MGMT: variants seen among roughly 807,000 people sequenced by gnomAD.
The protein encoded by MGMT is methylated-DNA--protein-cysteine methyltransferase.
A neutral mutation model predicts 15.9 loss-of-function variants in MGMT; 14 were observed. The ratio of observed to expected loss-of-function variants is 0.88; its 90% confidence interval spans 0.58 to 1.37. MGMT has a LOEUF of 1.37. Among genes scored for constraint, MGMT ranks in the 40% most tolerant of loss-of-function variants. The pLI is 0.00. For missense variants in MGMT, 282 were observed against 268.1 expected (o/e 1.05, Z -0.36); for synonymous variants, 130 against 118.2 (o/e 1.10, Z -0.65).
intron 1 of MGMT, among the ~76,000 whole-genome samples, chr10:129,483,050 G>C (rs1845374610): frequency 6.6e-6 from 1 of 152,104 alleles, no homozygotes; most frequent in African/African-American, 2.4e-5. Context: ...TGTCTACACT[G>C]TTGGCTTGTT....
intron 2 of MGMT, among the ~76,000 whole-genome samples, chr10:129,619,331 A>G (rs1847064371): frequency 6.6e-6 from 1 of 152,192 alleles, no homozygotes. Context: ...ATGCATGCAT[A>G]CATCTCTCTG....
At chr10:129,680,571 T>G (rs1300378662) in intron 2 of MGMT, among the ~76,000 whole-genome samples, 1 of 142,246 alleles carries the variant, frequency 7.0e-6, no homozygotes, top group African/African-American at 2.4e-5. Flanking sequence ...CACCACTCCT[T>G]AAGACATCCA....
intron 3 of MGMT, among the ~76,000 whole-genome samples, chr10:129,737,903 C>G (rs1223176192): frequency 6.6e-6 from 1 of 152,228 alleles, no homozygotes; most frequent in Non-Finnish European, 1.5e-5. Flanking sequence ...AGGAGGCAGT[C>G]TGCCCGTTCT....
chr10:129,760,883 C>G (rs1353866145), intron 4 of MGMT, among the ~76,000 whole-genome samples: 1 of 152,168 alleles, frequency 6.6e-6, no homozygotes. Flanking sequence ...TTGACCCTTC[C>G]TTTTGCACCT....
At chr10:129,591,570 C>A (rs1463698402) in intron 2 of MGMT, among the ~76,000 whole-genome samples, 1 of 152,196 alleles carries the variant, frequency 6.6e-6, no homozygotes, top group Non-Finnish European at 1.5e-5. Context: ...AGGCCCCAGA[C>A]CTCTGCAGCT....
chr10:129,497,633 C>G (rs2119669730), intron 1 of MGMT, among the ~76,000 whole-genome samples: 1 of 152,328 alleles, frequency 6.6e-6, no homozygotes, highest in East Asian at 1.9e-4. Context: ...ACCTTGCCAT[C>G]TCTCCTTTGT....
At chr10:129,584,463 T>C (rs1846595913) in intron 2 of MGMT, among the ~76,000 whole-genome samples, 1 of 152,166 alleles carries the variant, frequency 6.6e-6, no homozygotes, top group African/African-American at 2.4e-5. Flanking sequence ...GTTATAGCTT[T>C]CCTGAGATAC....
intron 1 of MGMT, among the ~76,000 whole-genome samples, chr10:129,497,700 C>G (rs148867403): frequency 6.6e-6 from 1 of 152,290 alleles, no homozygotes; most frequent in East Asian, 1.9e-4. Context: ...TGTTGAAACT[C>G]TACCCCCATG....
At chr10:129,761,488 C>T (rs1368045085) in intron 4 of MGMT, among the ~76,000 whole-genome samples, 1 of 152,224 alleles carries the variant, frequency 6.6e-6, no homozygotes, top group Non-Finnish European at 1.5e-5. Flanking sequence ...GAGATGCCGT[C>T]GCTGGTTAGC....
chr10:129,501,457 T>C (rs1845573935), intron 1 of MGMT, among the ~76,000 whole-genome samples: 1 of 152,224 alleles, frequency 6.6e-6, no homozygotes, highest in South Asian at 2.1e-4. Flanking sequence ...AGGGTGGCTG[T>C]AGAGTTAACT....
At chr10:129,577,454 A>G (rs1028557376) in intron 2 of MGMT, among the ~76,000 whole-genome samples, 4 of 152,266 alleles carry the variant, frequency 2.6e-5, no homozygotes, top group African/African-American at 9.6e-5. Flanking sequence ...CTTATTTAAT[A>G]AATGGTGCTG....
chr10:129,529,572 C>T (rs1015469908), intron 1 of MGMT, among the ~76,000 whole-genome samples: 1 of 152,166 alleles, frequency 6.6e-6, no homozygotes, highest in Non-Finnish European at 1.5e-5. Context: ...TAAGCCATAT[C>T]CACAGGAAGT....
intron 3 of MGMT, among the ~76,000 whole-genome samples, chr10:129,717,156 A>C (rs1848309061): frequency 6.6e-6 from 1 of 152,244 alleles, no homozygotes; most frequent in Non-Finnish European, 1.5e-5. Flanking sequence ...ACACAAAAAT[A>C]CATCAAGACC....
intron 1 of MGMT, among the ~76,000 whole-genome samples, chr10:129,522,591 A>G (rs1285623100): frequency 6.6e-6 from 1 of 152,252 alleles, no homozygotes; most frequent in East Asian, 1.9e-4. Flanking sequence ...CACATGACAC[A>G]AAAACCACAC....
At chr10:129,695,682 G>C (rs7073892) in intron 2 of MGMT, among the ~76,000 whole-genome samples, 4 of 152,034 alleles carry the variant, frequency 2.6e-5, no homozygotes, top group African/African-American at 4.8e-5. Context: ...GGTACCAAAA[G>C]TATTATTTCT....
intron 1 of MGMT, among the ~76,000 whole-genome samples, chr10:129,491,972 T>C (rs898829948): frequency 6.6e-6 from 1 of 152,156 alleles, no homozygotes; most frequent in Non-Finnish European, 1.5e-5. Flanking sequence ...CTCTTTATTA[T>C]TATTAAATAC....
chr10:129,536,478 T>A (rs533038592), intron 2 of MGMT, 101 bp downstream of exon 2: 446 of 1,432,322 alleles, frequency 3.1e-4, no homozygotes, highest in Non-Finnish European at 4.0e-4. Context: ...GGGTAACGCA[T>A]AGCCTTACCC....
intron 3 of MGMT, among the ~76,000 whole-genome samples, chr10:129,756,497 T>A (rs1848807844): frequency 6.6e-6 from 1 of 151,828 alleles, no homozygotes; most frequent in Non-Finnish European, 1.5e-5. Flanking sequence ...TGAGACGGAG[T>A]CTCGCTCTGT....
chr10:129,558,516 G>A (rs1846240807), intron 2 of MGMT, among the ~76,000 whole-genome samples: 1 of 152,194 alleles, frequency 6.6e-6, no homozygotes, highest in African/African-American at 2.4e-5. Flanking sequence ...TGTGGTGGCG[G>A]GGGCCAGTTT....
Sources: allele counts gnomAD v4.1 joint callset (sites outside exome capture counted in the v4.1 genomes callset), GRCh38; gene constraint gnomAD v4.1.1; transcripts MANE v1.5; gene names NCBI Gene and HGNC (gene_info 2026-07-23, HGNC 2026-07-21).